The following RERE variants were observed in gnomAD, a reference collection of about 807,000 sequenced individuals.
RERE encodes arginine-glutamic acid dipeptide repeats protein.
RERE carries 40 observed loss-of-function variants against 146.1 expected under a neutral mutation model. The observed-to-expected ratio is 0.27, with a 90% CI of 0.21 to 0.36. The LOEUF is 0.36. RERE is among the 10% of genes least tolerant of loss of function. RERE has a pLI of 1.00. For synonymous variants in RERE, 1,003 were observed against 866.0 expected (o/e 1.16, Z -2.78); for missense variants, 1,933 against 2,138.7 (o/e 0.90, Z 1.90).
intron 1 of RERE, among the ~76,000 whole-genome samples, chr1:8,749,190 G>T (rs974229714): frequency 6.6e-6 from 1 of 152,094 alleles, no homozygotes; most frequent in Non-Finnish European, 1.5e-5. Context: ...AGGTGCCAGC[G>T]CTCCTAACCA....
chr1:8,687,460 A>G (rs1225798628), intron 1 of RERE, among the ~76,000 whole-genome samples: 1 of 152,248 alleles, frequency 6.6e-6, no homozygotes, highest in Non-Finnish European at 1.5e-5. Context: ...GGACTTGCCC[A>G]GGAGCCTTAA....
At chr1:8,681,674 C>A (rs1167892570) in intron 1 of RERE, among the ~76,000 whole-genome samples, 1 of 151,900 alleles carries the variant, frequency 6.6e-6, no homozygotes, top group South Asian at 2.1e-4. Context: ...AAGTCTTAAA[C>A]TAAATCAAAA....
At chr1:8,404,178 C>T (rs1001221568) in intron 12 of RERE, among the ~76,000 whole-genome samples, 2 of 151,972 alleles carry the variant, frequency 1.3e-5, no homozygotes, top group African/African-American at 4.8e-5. Flanking sequence ...GCTTGTAATC[C>T]CAGCACTTTC....
chr1:8,742,646 C>T (rs1326887328), intron 1 of RERE, among the ~76,000 whole-genome samples: 1 of 152,090 alleles, frequency 6.6e-6, no homozygotes, highest in Non-Finnish European at 1.5e-5. Context: ...CATGGCAAAA[C>T]CCTGTCTCTA....
intron 11 of RERE, among the ~76,000 whole-genome samples, chr1:8,428,888 T>G (rs1570220208): frequency 6.6e-6 from 1 of 152,154 alleles, no homozygotes; most frequent in Admixed American, 6.5e-5. Context: ...CCACCCCCTG[T>G]CATAGTCCCC....
chr1:8,369,740 A>C (rs989456103), intron 12 of RERE, among the ~76,000 whole-genome samples: 12 of 152,070 alleles, frequency 7.9e-5, no homozygotes, highest in African/African-American at 2.9e-4. Context: ...AAAAGAAAAA[A>C]AAAATTCTCA....
chr1:8,794,969 C>G (rs979704194), intron 1 of RERE, among the ~76,000 whole-genome samples: 2 of 151,988 alleles, frequency 1.3e-5, no homozygotes, highest in Non-Finnish European at 2.9e-5. Flanking sequence ...TGCACCATCA[C>G]GCCCAGCTAA....
chr1:8,356,729 C>A lies in RERE; in HGVS notation c.4340-483G>T, dbSNP rs1641310362. On this transcript the variant is annotated intron_variant, in intron 20 of 22. Coordinates refer to ENST00000400908, the MANE Select transcript of RERE (RefSeq NM_001042681.2). This position sits in a 1 kb window ranked among gnomAD's most constrained non-coding sequence, Gnocchi z 5.2. ...CGCAGAATGGGGACCTGGCACAGCA[C>A]TGCCCTCTCCTCTCTGCTGGCACAA... is the stretch of plus-strand genomic sequence containing the variant. Among the ~76,000 whole-genome samples, 2 of 152,280 alleles carry A rather than the reference C, an allele frequency of 1.3e-5. No individual in the cohort carries two copies. The highest frequency in any genetic ancestry group is 4.1e-4 in the South Asian group (2 of 4,832).
chr1:8,458,635 C>T (rs1348111223), intron 11 of RERE, among the ~76,000 whole-genome samples: 1 of 151,864 alleles, frequency 6.6e-6, no homozygotes, highest in Non-Finnish European at 1.5e-5. Context: ...GGTATGCTGG[C>T]TTTTATTTTT....
intron 7 of RERE, among the ~76,000 whole-genome samples, chr1:8,524,771 T>TC (rs1645549808): frequency 6.6e-6 from 1 of 152,194 alleles, no homozygotes. Flanking sequence ...GTGAAAGCCA[T>TC]CTGTCTGAAC....
At chr1:8,568,864 C>T (rs1456335793) in intron 4 of RERE, among the ~76,000 whole-genome samples, 3 of 151,974 alleles carry the variant, frequency 2.0e-5, no homozygotes, top group East Asian at 1.9e-4. Context: ...TCTTTCTATC[C>T]AGCCAGCCAG....
intron 12 of RERE, among the ~76,000 whole-genome samples, chr1:8,403,359 C>T (rs1643329333): frequency 6.6e-6 from 1 of 151,842 alleles, no homozygotes; most frequent in South Asian, 2.1e-4. Context: ...CCTGCACTGG[C>T]TCTTTGTTTC....
chr1:8,458,840 T>C (rs114194598), intron 11 of RERE, among the ~76,000 whole-genome samples: 70 of 152,370 alleles, frequency 4.6e-4, no homozygotes, highest in Non-Finnish European at 7.5e-4. Flanking sequence ...TCTGTACATT[T>C]ATCCCAGAGG....
chr1:8,503,093 AATAAAT>A (rs1557662567), intron 8 of RERE, among the ~76,000 whole-genome samples: 35 of 143,874 alleles, frequency 2.4e-4, no homozygotes, highest in African/African-American at 8.9e-4. Context: ...ATTAAAAATA[AATAAAT>A]AAATAAATAA....
At chr1:8,666,819 TCCACCTGACCCAAACCAA>T (rs1638586185) in intron 1 of RERE, among the ~76,000 whole-genome samples, 1 of 152,232 alleles carries the variant, frequency 6.6e-6, no homozygotes, top group South Asian at 2.1e-4. Context: ...TTAAAGTTCT[TCCACCTGACCCAAACCAA>T]CCACATAAGC....
chr1:8,650,084 C>T (rs752764211), intron 2 of RERE, among the ~76,000 whole-genome samples: 3 of 151,996 alleles, frequency 2.0e-5, no homozygotes, highest in Non-Finnish European at 4.4e-5. Flanking sequence ...GTGTAAGTAA[C>T]AAAATCTATT....
chr1:8,454,827 C>CA (rs377452423), intron 11 of RERE, among the ~76,000 whole-genome samples: 4,401 of 148,922 alleles, frequency 0.03, 191 homozygotes, highest in African/African-American at 0.1. Context: ...AAACAAACAA[C>CA]AAAAAAAAAC....
At chr1:8,399,680 A>G (rs1463810623) in intron 12 of RERE, among the ~76,000 whole-genome samples, 5 of 152,198 alleles carry the variant, frequency 3.3e-5, no homozygotes, top group African/African-American at 4.8e-5. Flanking sequence ...TTGAAATGAT[A>G]TAGCAATGAG....
chr1:8,499,220 G>A (rs2124251867), intron 8 of RERE, among the ~76,000 whole-genome samples: 1 of 152,314 alleles, frequency 6.6e-6, no homozygotes, highest in South Asian at 2.1e-4. Context: ...TGAAGCCTGG[G>A]CAAACAATTT....
Sources: allele counts gnomAD v4.1 joint callset (sites outside exome capture counted in the v4.1 genomes callset), GRCh38; gene constraint gnomAD v4.1.1; non-coding constraint Gnocchi (gnomAD v3.1); transcripts MANE v1.5; gene names NCBI Gene and HGNC (gene_info 2026-07-23, HGNC 2026-07-21).